ACBD6: variants seen among roughly 807,000 people sequenced by gnomAD.
The protein encoded by ACBD6 is acyl-CoA binding domain containing 6.
ACBD6 carries 28 observed loss-of-function variants against 37.2 expected under a neutral mutation model. The ratio of observed to expected loss-of-function variants is 0.75; its 90% CI spans 0.56 to 1.03. ACBD6 has a LOEUF of 1.03. Ranked by LOEUF, ACBD6 falls within the 50% of genes least tolerant of loss-of-function variation. The pLI is 0.00. For missense variants in ACBD6, 340 were observed against 337.4 expected (o/e 1.01, Z -0.06); for synonymous variants, 113 against 126.8 (o/e 0.89, Z 0.73).
At chr1:180,337,070 G>A (rs1413719280) in intron 6 of ACBD6, among the ~76,000 whole-genome samples, 1 of 152,158 alleles carries the variant, frequency 6.6e-6, no homozygotes, top group African/African-American at 2.4e-5. Flanking sequence ...AATTCCACCA[G>A]AGGTACAAGG....
At position 180,274,605 on chromosome 1, in the gene ACBD6, C is replaced by G. The variant is rs138054044; in HGVS notation, c.*936+46G>C. 6 of 1,535,150 alleles carry G rather than the reference C, an allele frequency of 3.9e-6. No homozygotes were observed. The African/African-American group carries it at 5.5e-5, about 14-fold the overall frequency. On this transcript the variant is annotated intron_variant, in intron 10 of 13. Coordinates refer to the ACBD6 transcript ENST00000642319. ...ACTTCTCTCCTCCCCACCCTACCTG[C>G]CCCCCTGGCTTGAGAGAATATCTTC...
chr1:180,457,358 G>A (rs1196378036), intron 3 of ACBD6, among the ~76,000 whole-genome samples: 1 of 152,160 alleles, frequency 6.6e-6, no homozygotes, highest in African/African-American at 2.4e-5. Context: ...CCCAAACTAT[G>A]CTGGTAGGCT....
At chr1:180,476,797 C>T (rs758399847) in intron 3 of ACBD6, among the ~76,000 whole-genome samples, 1 of 151,884 alleles carries the variant, frequency 6.6e-6, no homozygotes, top group Admixed American at 6.6e-5. Context: ...TTGCGCTCAG[C>T]CTGGGCAACA....
chr1:180,384,575 T>C (rs1345331118), intron 6 of ACBD6, among the ~76,000 whole-genome samples: 3 of 116,132 alleles, frequency 2.6e-5, no homozygotes, highest in Non-Finnish European at 5.0e-5. Context: ...ACAGCCACTA[T>C]GGGGCAACAG....
At chr1:180,465,724 A>G (rs1650323109) in intron 3 of ACBD6, among the ~76,000 whole-genome samples, 1 of 152,222 alleles carries the variant, frequency 6.6e-6, no homozygotes, top group Non-Finnish European at 1.5e-5. Flanking sequence ...TGTTCACTGC[A>G]GCACTGTTCA....
At chr1:180,328,782 T>C (rs1236550605) in intron 6 of ACBD6, among the ~76,000 whole-genome samples, 1 of 152,124 alleles carries the variant, frequency 6.6e-6, no homozygotes, top group Non-Finnish European at 1.5e-5. Flanking sequence ...GATCTGTGAC[T>C]CTATAATAGA....
At chr1:180,430,560 T>C (rs71630262) in intron 3 of ACBD6, among the ~76,000 whole-genome samples, 1,898 of 152,172 alleles carry the variant, frequency 0.012, 20 homozygotes, top group Non-Finnish European at 0.016. Flanking sequence ...GTGGTAAATA[T>C]GGATGTTCAG....
At chr1:180,375,694 C>A (rs1202481336) in intron 6 of ACBD6, among the ~76,000 whole-genome samples, 1 of 152,162 alleles carries the variant, frequency 6.6e-6, no homozygotes, top group Non-Finnish European at 1.5e-5. Context: ...AAAATTAGAT[C>A]CACATCTCCA....
At chr1:180,292,764 T>A (rs1156852432) in intron 7 of ACBD6, among the ~76,000 whole-genome samples, 2 of 152,220 alleles carry the variant, frequency 1.3e-5, no homozygotes, top group East Asian at 3.8e-4. Context: ...TAATACAATG[T>A]TGGATCAAAG....
Position 180,472,767 on chromosome 1 carries a change from A to G in ACBD6, c.384+19502T>C, listed in dbSNP as rs113462097. 3.0e-3 allele frequency among the ~76,000 whole-genome samples: 456 copies of G among 152,320 alleles called. 1 individual carries two copies. Among genetic ancestry groups the G allele is most frequent in the African/African-American group, 0.01 (430 of 41,566 alleles). ...CTTTAAAAATTTAAGAAGATGACAT[A>G]TAATTAATCATTATTATTATTGTAA... On this transcript the variant is annotated intron_variant, in intron 3 of 7. Coordinates refer to ENST00000367595, the MANE Select transcript of ACBD6 (RefSeq NM_032360.4).
chr1:180,382,201 TAAACA>T (rs1447797286), intron 6 of ACBD6, among the ~76,000 whole-genome samples: 1 of 145,522 alleles, frequency 6.9e-6, no homozygotes, highest in African/African-American at 2.5e-5. Flanking sequence ...ACAGCAAAAC[TAAACA>T]AGAGACTAAA....
At chr1:180,439,408 C>T (rs1237167974) in intron 3 of ACBD6, among the ~76,000 whole-genome samples, 1 of 152,050 alleles carries the variant, frequency 6.6e-6, no homozygotes, top group Non-Finnish European at 1.5e-5. Context: ...CATGGTGAAA[C>T]CCCGTCTCTA....
At chr1:180,347,805 A>C (rs1405653837) in intron 6 of ACBD6, among the ~76,000 whole-genome samples, 1 of 152,098 alleles carries the variant, frequency 6.6e-6, no homozygotes, top group Non-Finnish European at 1.5e-5. Flanking sequence ...CCCCATCTCT[A>C]CTAAAAATAC....
rs55723772 is a variant in ACBD6, at chr1:180,420,384, G to A, written c.468-6913C>T. Among the ~76,000 whole-genome samples the A allele has an allele frequency of 6.7e-3, 1,018 of 152,268 alleles. 17 individuals carry two copies. Among genetic ancestry groups the A allele is most frequent in the African/African-American group, 0.023 (970 of 41,544 alleles). ...TTCAGGCATGACGGTTTTCACCGCC[G>A]TTTCTATAATGACAGCATCTCCAAT... On this transcript the variant is annotated intron_variant, in intron 4 of 7. Coordinates refer to ENST00000367595, the MANE Select transcript of ACBD6 (RefSeq NM_032360.4).
chr1:180,380,802 A>G (rs1432945520), intron 6 of ACBD6, among the ~76,000 whole-genome samples: 1 of 152,182 alleles, frequency 6.6e-6, no homozygotes, highest in Non-Finnish European at 1.5e-5. Flanking sequence ...AGAGAAATAA[A>G]GGAACAAAGG....
intron 6 of ACBD6, among the ~76,000 whole-genome samples, chr1:180,361,396 A>C (rs1364347433): frequency 6.6e-6 from 1 of 152,038 alleles, no homozygotes; most frequent in East Asian, 1.9e-4. Context: ...CAAACAAATA[A>C]TAGAATCTGT....
intron 3 of ACBD6, among the ~76,000 whole-genome samples, chr1:180,465,014 C>T (rs904366576): frequency 1.3e-5 from 2 of 152,094 alleles, no homozygotes; most frequent in Admixed American, 1.3e-4. Context: ...TTCCTTACAT[C>T]GTACACAAAA....
intron 5 of ACBD6, 136 bp from the exon 6 acceptor site, chr1:180,397,741 A>G: frequency 1.2e-6 from 1 of 800,394 alleles, no homozygotes; most frequent in Non-Finnish European, 2.1e-6. Flanking sequence ...TAAAAAATGC[A>G]CTATGGAAAA....
intron 7 of ACBD6, among the ~76,000 whole-genome samples, chr1:180,311,670 C>G (rs1227822688): frequency 6.6e-6 from 1 of 152,188 alleles, no homozygotes; most frequent in Non-Finnish European, 1.5e-5. Context: ...CTCTGACTAG[C>G]AGCTGGGAGG....
Sources: gnomAD v4.1 joint callset for allele counts (sites outside exome capture counted in the v4.1 genomes callset) on GRCh38, gnomAD v4.1.1 for gene constraint, MANE v1.5 for transcripts, NCBI Gene and HGNC (gene_info 2026-07-23, HGNC 2026-07-21) for gene names.